The following ARID1B variants were observed in gnomAD, a reference collection of about 807,000 sequenced individuals.
The protein encoded by ARID1B is AT-rich interactive domain-containing protein 1B.
In ARID1B, 30 loss-of-function variants were observed where a neutral mutation model predicts 212.3. That is an observed-to-expected ratio of 0.14 (90% CI 0.11 to 0.19). The LOEUF (loss-of-function observed/expected upper bound fraction) is 0.19, where lower values mean the gene tolerates loss of function less well. Among genes scored for constraint, ARID1B ranks in the 10% least tolerant of loss-of-function variants. The pLI is 1.00. For missense variants in ARID1B, 2,891 were observed against 3,204.0 expected, an observed-to-expected ratio of 0.90 and a Z score of 2.36; for synonymous variants, 1,402 against 1,301.7, an observed-to-expected ratio of 1.08 and a Z score of -1.66.
At chr6:156,870,495 A>G (rs1358497296) in intron 2 of ARID1B, 4 of 152,334 alleles carry the variant, frequency 2.6e-5, no homozygotes. Context: ...TGGAATAAAT[A>G]TATTTGCCAT....
chr6:157,020,313 C>T (rs1004673428), intron 4 of ARID1B, among the ~76,000 whole-genome samples: 1 of 152,108 alleles, frequency 6.6e-6, no homozygotes, highest in Admixed American at 6.5e-5. Flanking sequence ...TAGTCATTTA[C>T]CCCCATACAA....
chr6:156,881,915 A>T (rs548266062), intron 2 of ARID1B, among the ~76,000 whole-genome samples: 6 of 152,308 alleles, frequency 3.9e-5, no homozygotes, highest in African/African-American at 1.4e-4. Flanking sequence ...GATATTTGAG[A>T]ACTAGAACTC....
chr6:156,945,817 G>C lies in ARID1B; in HGVS notation c.2247+10241G>C, dbSNP rs1019809058. 4.6e-5 allele frequency among the ~76,000 whole-genome samples: 7 copies of C among 152,244 alleles called. No individual in the cohort carries two copies. The East Asian group carries it at 5.8e-4, about 13-fold the overall frequency. Reference sequence around the variant, plus strand: ...GAGCCTAGGAGCTTGAGACCGGCCTGGCCAACATGGTGAAACCCCATCTTC... The same window carrying C: ...GAGCCTAGGAGCTTGAGACCGGCCTCGCCAACATGGTGAAACCCCATCTTC... On this transcript the variant is annotated intron_variant, in intron 4 of 19. Transcript: ENST00000636930.
At chr6:156,784,592 T>C (rs568624419) in intron 1 of ARID1B, among the ~76,000 whole-genome samples, 70 of 152,234 alleles carry the variant, frequency 4.6e-4, no homozygotes, top group Non-Finnish European at 8.4e-4. Context: ...TCTGAATGAA[T>C]GGAATGATAG....
At chr6:156,872,100 G>A (rs1388306702) in intron 2 of ARID1B, among the ~76,000 whole-genome samples, 6 of 152,150 alleles carry the variant, frequency 3.9e-5, no homozygotes, top group Admixed American at 3.9e-4. Flanking sequence ...AAATAGACTG[G>A]ATTTAAGCAA....
chr6:156,779,601 C>CATCTT, intron 1 of ARID1B, 130 bp downstream of exon 1: 2 of 993,458 alleles, frequency 2.0e-6, no homozygotes, highest in Non-Finnish European at 2.5e-6. Flanking sequence ...CGCCCAAAGC[C>CATCTT]ATCTTGACGG....
At chr6:156,783,561 G>C in intron 1 of ARID1B, among the ~76,000 whole-genome samples, 1 of 152,146 alleles carries the variant, frequency 6.6e-6, no homozygotes, top group Non-Finnish European at 1.5e-5. Flanking sequence ...GATGACTTCT[G>C]ATGTAATAGG....
chr6:156,990,486 C>CAA (rs1344896605), intron 4 of ARID1B, among the ~76,000 whole-genome samples: 1 of 151,944 alleles, frequency 6.6e-6, no homozygotes, highest in Admixed American at 6.6e-5. Flanking sequence ...ACTAAAAATA[C>CAA]AAAAATTAGC....
At chr6:156,779,947 G>A (rs1290968238) in intron 1 of ARID1B, among the ~76,000 whole-genome samples, 1 of 152,296 alleles carries the variant, frequency 6.6e-6, no homozygotes, top group South Asian at 2.1e-4. Flanking sequence ...CACACCTTTA[G>A]CCACAGCACG....
chr6:156,800,780 G>T (rs1780725535), intron 1 of ARID1B, among the ~76,000 whole-genome samples: 1 of 152,000 alleles, frequency 6.6e-6, no homozygotes, highest in Admixed American at 6.6e-5. Context: ...GGTGGTGTGT[G>T]CCTGTAGTCC....
chr6:156,822,646 G>A (rs748334580), intron 1 of ARID1B, among the ~76,000 whole-genome samples: 1 of 152,216 alleles, frequency 6.6e-6, no homozygotes, highest in Admixed American at 6.5e-5. Context: ...TTTTTATGCC[G>A]TTAGGAGAAG....
chr6:156,896,557 CAA>C (rs1788402477), intron 2 of ARID1B, among the ~76,000 whole-genome samples: 1 of 79,314 alleles, frequency 1.3e-5, no homozygotes, highest in Non-Finnish European at 2.3e-5. Context: ...GCCTGGGCAA[CAA>C]GAGCAAAACT....
chr6:157,166,794 G>C, intron 8 of ARID1B: 2 of 396,388 alleles, frequency 5.0e-6, no homozygotes, highest in Non-Finnish European at 8.8e-6. Flanking sequence ...TGGAACACTT[G>C]ACATGATTAA....
At chr6:157,181,266 T>C in intron 12 of ARID1B, 88 bp downstream of exon 12, 3 of 1,476,526 alleles carry the variant, frequency 2.0e-6, no homozygotes, top group Non-Finnish European at 2.8e-6. Flanking sequence ...GACTCATTTT[T>C]TTTCTCACAA....
chr6:156,922,502 G>A (rs1471938108), intron 3 of ARID1B, among the ~76,000 whole-genome samples: 2 of 152,136 alleles, frequency 1.3e-5, no homozygotes, highest in African/African-American at 4.8e-5. Context: ...AGTTACTTAA[G>A]CAGTCTGGGC....
chr6:156,947,691 G>C (rs12663736), intron 4 of ARID1B, among the ~76,000 whole-genome samples: 6,874 of 151,038 alleles, frequency 0.046, 369 homozygotes, highest in East Asian at 0.25. Flanking sequence ...TTTTAAAAAG[G>C]CCTGTCATTT....
At chr6:156,966,334 A>G (rs965171136) in intron 4 of ARID1B, among the ~76,000 whole-genome samples, 3 of 151,126 alleles carry the variant, frequency 2.0e-5, no homozygotes, top group Non-Finnish European at 4.4e-5. Context: ...CAGCATTTCA[A>G]TTTAAGGGAA....
At position 157,190,105 on chromosome 6, in the gene ARID1B, T is replaced by A. The variant is rs1793249519; in HGVS notation, c.4126T>A (p.Ser1376Thr). 6.2e-7 allele frequency: 1 copy of A among 1,614,100 alleles called. No individual in the cohort carries two copies. The highest frequency in any genetic ancestry group is 8.5e-7 in the Non-Finnish European group (1 of 1,180,050). The change falls in exon 15 of 20, where the codon TCC becomes ACC. Residue 1376 changes from serine to threonine, a missense_variant. Coordinates refer to ENST00000636930, the MANE Select transcript of ARID1B (RefSeq NM_001374828.1). This position sits in a 1 kb window ranked among gnomAD's most constrained non-coding sequence, Gnocchi z 4.6. ...TGATTCATCCTTCCCGAAACGGAAC[T>A]CCATGACTCCAAACGCCCCCTACCA... ...VSDSSFPKRN[S>T]MTPNAPYQQG...
intron 2 of ARID1B, among the ~76,000 whole-genome samples, chr6:156,885,282 AGAG>A (rs1373146245): frequency 2.0e-5 from 3 of 152,346 alleles, no homozygotes; most frequent in Admixed American, 6.5e-5. Context: ...ACTTAATTTC[AGAG>A]GTGCTTAGAA....
Sources: allele counts gnomAD v4.1 joint callset (sites outside exome capture counted in the v4.1 genomes callset), GRCh38; gene constraint gnomAD v4.1.1; non-coding constraint Gnocchi (gnomAD v3.1); transcripts MANE v1.5; gene names NCBI Gene and HGNC (gene_info 2026-07-23, HGNC 2026-07-21).